The following CAB39 variants were observed in gnomAD, a reference collection of about 807,000 sequenced individuals.
The protein encoded by CAB39 is calcium-binding protein 39.
A neutral mutation model predicts 40.0 loss-of-function variants in CAB39; 8 were observed. That is an observed-to-expected ratio of 0.20 (90% CI 0.12 to 0.36). The LOEUF is 0.36. Ranked by LOEUF, CAB39 falls within the 10% of genes least tolerant of loss-of-function variation. CAB39 has a pLI of 1.00. For missense variants in CAB39, 270 were observed against 401.1 expected, an observed-to-expected ratio of 0.67 and a Z score of 2.79; for synonymous variants, 156 against 141.6, an observed-to-expected ratio of 1.10 and a Z score of -0.72.
intron 1 of CAB39, among the ~76,000 whole-genome samples, chr2:230,741,396 A>G (rs367882180): frequency 6.6e-6 from 1 of 152,210 alleles, no homozygotes; most frequent in South Asian, 2.1e-4. Context: ...GAATATTCCT[A>G]CCTGATACCC....
At chr2:230,781,398 A>G (rs1392006392) in intron 2 of CAB39, among the ~76,000 whole-genome samples, 3 of 152,308 alleles carry the variant, frequency 2.0e-5, no homozygotes, top group Admixed American at 6.5e-5. Flanking sequence ...GTCGAATGAC[A>G]TGGTGTATTG....
chr2:230,729,394 T>C (rs1694646375), intron 1 of CAB39, among the ~76,000 whole-genome samples: 1 of 152,190 alleles, frequency 6.6e-6, no homozygotes, highest in Admixed American at 6.5e-5. Flanking sequence ...AATATAGCAG[T>C]ATTTGCAGAC....
intron 2 of CAB39, among the ~76,000 whole-genome samples, chr2:230,760,542 A>G (rs1302986843): frequency 6.6e-6 from 1 of 152,190 alleles, no homozygotes; most frequent in African/African-American, 2.4e-5. Flanking sequence ...GTTTTAGAGC[A>G]AGAACAAAAG....
intron 2 of CAB39, among the ~76,000 whole-genome samples, chr2:230,766,283 A>G (rs1445481466): frequency 6.6e-6 from 1 of 152,206 alleles, no homozygotes; most frequent in Non-Finnish European, 1.5e-5. Flanking sequence ...GAATATACCT[A>G]TTGCAAGTAA....
At chr2:230,816,487 G>A (rs1335126431) in intron 7 of CAB39, among the ~76,000 whole-genome samples, 1 of 152,136 alleles carries the variant, frequency 6.6e-6, no homozygotes, top group East Asian at 1.9e-4. Context: ...TCCTTATAAA[G>A]CCTAAGTAAA....
rs535919843 is a variant in CAB39, at chr2:230,768,590, T to C, written c.114+8475T>C. 3.9e-5 allele frequency among the ~76,000 whole-genome samples: 6 copies of C among 152,322 alleles called. No homozygotes were observed. The East Asian group carries it at 1.2e-3, about 29-fold the overall frequency. The stretch of plus-strand genomic sequence containing the variant: ...TATGAAGAGAATTAAAGGGTTTAAT[T>C]AGCCAAGTTTGTGAAAGACAAAAAT... On this transcript the variant is annotated intron_variant, in intron 2 of 8. Transcript: ENST00000258418.
chr2:230,767,795 A>C lies in CAB39; in HGVS notation c.114+7680A>C, dbSNP rs142147463. Among the ~76,000 whole-genome samples, 436 of 151,810 alleles carry C rather than the reference A, an allele frequency of 2.9e-3. 2 individuals carry two copies. Among genetic ancestry groups the C allele is most frequent in the Middle Eastern group, 0.01 (3 of 294 alleles). ...CCACATTGGTCTCCTTTCCTCATGC[A>C]CTCCAGTCATACTCCTGCCTGTTGG... On this transcript the variant is annotated intron_variant, in intron 2 of 8. Transcript: ENST00000258418.
intron 1 of CAB39, chr2:230,713,877 C>G (rs1354697412): frequency 1.3e-5 from 2 of 152,316 alleles, no homozygotes; most frequent in Non-Finnish European, 2.9e-5. Flanking sequence ...ACACAAATAA[C>G]TGCGATACCG....
chr2:230,788,808 C>T (rs1321620928), intron 2 of CAB39, among the ~76,000 whole-genome samples: 1 of 151,940 alleles, frequency 6.6e-6, no homozygotes, highest in Admixed American at 6.5e-5. Context: ...GTATTTTTTC[C>T]CTCTGGCTAC....
At chr2:230,802,078 C>G (rs1033089669) in intron 5 of CAB39, among the ~76,000 whole-genome samples, 1 of 152,086 alleles carries the variant, frequency 6.6e-6, no homozygotes, top group African/African-American at 2.4e-5. Context: ...GTGTAAGGTT[C>G]TAGAAAGTAT....
At chr2:230,775,241 CTTTTTTT>C (rs747348885) in intron 2 of CAB39, among the ~76,000 whole-genome samples, 2 of 142,438 alleles carry the variant, frequency 1.4e-5, no homozygotes, top group Non-Finnish European at 3.1e-5. Context: ...TTTCTTTTTT[CTTTTTTT>C]TTTTTTGAAA....
rs1331175467 is a variant in CAB39 at position 230,748,824 on chromosome 2, AAAAAAAAATATATAT to A, written c.-43-11133_-43-11119del. On this transcript the variant is annotated intron_variant, in intron 1 of 8. Transcript: ENST00000258418. ...TCTATTTCCAAAAAGAAAAAAAAAA[AAAAAAAAATATATAT>A]ATATATATATATATATATATATATA... Among the ~76,000 whole-genome samples, 107 of 72,350 alleles carry A rather than the reference AAAAAAAAATATATAT, an allele frequency of 1.5e-3. 2 individuals carry two copies. Among genetic ancestry groups the A allele is most frequent in the African/African-American group, 5.1e-3 (86 of 16,720 alleles). The allele number at this position is 72,350 out of a possible 152,430, so 47.5% of individuals were successfully genotyped here. A position where few individuals can be genotyped will look rare whatever the true frequency, so the allele number is the denominator to read the frequency against.
At chr2:230,810,119 G>T (rs1236466201) in intron 5 of CAB39, 144 bp from the exon 6 acceptor site, 2 of 507,774 alleles carry the variant, frequency 3.9e-6, no homozygotes, top group African/African-American at 2.0e-5. Context: ...TATAGAATCA[G>T]TGTTTTAATA....
chr2:230,777,844 T>C (rs1452636258), intron 2 of CAB39, among the ~76,000 whole-genome samples: 1 of 152,222 alleles, frequency 6.6e-6, no homozygotes, highest in Non-Finnish European at 1.5e-5. Context: ...CTTTGTGTAC[T>C]TGTCTGTTTC....
At chr2:230,777,401 T>G (rs1001396625) in intron 2 of CAB39, among the ~76,000 whole-genome samples, 1 of 151,444 alleles carries the variant, frequency 6.6e-6, no homozygotes, top group African/African-American at 2.4e-5. Flanking sequence ...CATCTTTTCA[T>G]GTGCATATAG....
chr2:230,809,526 A>G (rs888544313), intron 5 of CAB39, among the ~76,000 whole-genome samples: 19 of 152,154 alleles, frequency 1.2e-4, no homozygotes, highest in African/African-American at 4.1e-4. Context: ...GCTAACTTCT[A>G]GGTCCTTGAA....
At chr2:230,739,303 G>GT (rs760042654) in intron 1 of CAB39, among the ~76,000 whole-genome samples, 3 of 152,098 alleles carry the variant, frequency 2.0e-5, no homozygotes, top group Non-Finnish European at 4.4e-5. Context: ...TGAAGTTCCC[G>GT]TTTTCTGAAA....
intron 2 of CAB39, among the ~76,000 whole-genome samples, chr2:230,777,005 T>C (rs2124939469): frequency 6.6e-6 from 1 of 152,264 alleles, no homozygotes; most frequent in African/African-American, 2.4e-5. Context: ...ACTTTTTTAG[T>C]TTTACTTTAT....
chr2:230,721,857 A>G (rs530874138), intron 1 of CAB39, among the ~76,000 whole-genome samples: 107 of 152,340 alleles, frequency 7.0e-4, no homozygotes, highest in African/African-American at 2.5e-3. Flanking sequence ...TTTGGTCAAA[A>G]GAACACACCC....
Sources: allele counts gnomAD v4.1 joint callset (sites outside exome capture counted in the v4.1 genomes callset), GRCh38; gene constraint gnomAD v4.1.1; transcripts MANE v1.5; gene names NCBI Gene and HGNC (gene_info 2026-07-23, HGNC 2026-07-21).